Variants in XKR4 observed in about 807,000 individuals in gnomAD.
XKR4 encodes the protein XK related 4.
Under a neutral mutation model 53.9 loss-of-function variants are expected in XKR4, and 12 were observed. That is an observed-to-expected ratio of 0.22 (90% CI 0.14 to 0.36). The LOEUF is 0.36. XKR4 is among the 10% of genes least tolerant of loss of function. The pLI is 1.00. For synonymous variants in XKR4, 354 were observed against 362.4 expected, an observed-to-expected ratio of 0.98 and a Z score of 0.26; for missense variants, 799 against 859.5, an observed-to-expected ratio of 0.93 and a Z score of 0.88.
chr8:55,162,252 C>T lies in XKR4; in HGVS notation c.806+58958C>T, dbSNP rs149550219. Among the ~76,000 whole-genome samples, 319 of 152,310 alleles carry T rather than the reference C, an allele frequency of 2.1e-3. 1 individual carries two copies. Among genetic ancestry groups the T allele is most frequent in the African/African-American group, 7.2e-3 (298 of 41,562 alleles). On this transcript the variant is annotated intron_variant, in intron 1 of 2. Coordinates refer to ENST00000327381, the MANE Select transcript of XKR4 (RefSeq NM_052898.2). ...TGCCTCCGACAGGCTGTAAGGGCTT[C>T]AAGAATACAACCCACACCTTATTTG...
At chr8:55,269,932 G>A (rs1818662744) in intron 1 of XKR4, among the ~76,000 whole-genome samples, 2 of 152,208 alleles carry the variant, frequency 1.3e-5, no homozygotes, top group African/African-American at 4.8e-5. Context: ...TCAGGGAAGA[G>A]GTTAACTATG....
intron 1 of XKR4, among the ~76,000 whole-genome samples, chr8:55,194,144 C>A (rs1817476987): frequency 6.6e-6 from 1 of 152,212 alleles, no homozygotes; most frequent in African/African-American, 2.4e-5. Flanking sequence ...GGTTGGATTT[C>A]TCTGATGAGT....
At chr8:55,137,458 G>A (rs1816647007) in intron 1 of XKR4, among the ~76,000 whole-genome samples, 1 of 151,802 alleles carries the variant, frequency 6.6e-6, no homozygotes, top group African/African-American at 2.4e-5. Context: ...GGTCTTTTAG[G>A]GATTATTATA....
rs545992272 is a variant in XKR4, at chr8:55,475,161, A to G, written c.1007-48120A>G. Among the ~76,000 whole-genome samples the G allele has an allele frequency of 5.4e-4, 82 of 152,226 alleles. 1 individual carries two copies. Among genetic ancestry groups the G allele is most frequent in the African/African-American group, 1.9e-3 (79 of 41,496 alleles). ...AGGGAAATGACTGCTGATAAAATGG[A>G]GAGTAAAGTGGTGACCTCTGCCCCC... On this transcript the variant is annotated intron_variant, in intron 2 of 2. Coordinates refer to ENST00000327381, the MANE Select transcript of XKR4 (RefSeq NM_052898.2).
chr8:55,155,508 A>G (rs929638321), intron 1 of XKR4, among the ~76,000 whole-genome samples: 1 of 152,168 alleles, frequency 6.6e-6, no homozygotes, highest in African/African-American at 2.4e-5. Flanking sequence ...GGAACGTCAG[A>G]AAATAATAAA....
chr8:55,405,488 C>T (rs967732861), intron 2 of XKR4, among the ~76,000 whole-genome samples: 3 of 152,194 alleles, frequency 2.0e-5, no homozygotes, highest in Non-Finnish European at 2.9e-5. Context: ...TCAATCACCT[C>T]TTGGCTTCCA....
chr8:55,450,677 C>T, intron 2 of XKR4: 1 of 591,230 alleles, frequency 1.7e-6, no homozygotes, highest in Admixed American at 2.2e-5. Context: ...CTGCTCTGTC[C>T]AGCCAGAATG....
In XKR4 at chr8:55,539,011, T is replaced by C. The variant is rs1252422970; in HGVS notation, c.*14784T>C. The C allele has an allele frequency of 2.0e-5, 3 of 152,192 alleles. No individual in the cohort carries two copies. The allele number at this position is 152,192 out of a possible 1,614,324, so 9.4% of individuals were successfully genotyped here. A position where few individuals can be genotyped will look rare whatever the true frequency, so the allele number is the denominator to read the frequency against. On this transcript the variant is annotated 3_prime_UTR_variant, in exon 3 of 3. Transcript: ENST00000327381. ...TGATATACATATGCTTACATGTGCT[T>C]AGGTGGGAATTCTACTAAAGGATAA...
At chr8:55,342,978 G>C (rs922847300) in intron 1 of XKR4, among the ~76,000 whole-genome samples, 2 of 152,192 alleles carry the variant, frequency 1.3e-5, no homozygotes, top group African/African-American at 4.8e-5. Flanking sequence ...AGAGTAGAAT[G>C]AATCAATTGT....
chr8:55,208,814 C>T (rs1344796928), intron 1 of XKR4, among the ~76,000 whole-genome samples: 2 of 152,080 alleles, frequency 1.3e-5, no homozygotes, highest in Non-Finnish European at 2.9e-5. Flanking sequence ...CCGTGTGGAC[C>T]CCCGCAGTTT....
chr8:55,452,597 C>A, intron 2 of XKR4: 1 of 1,019,420 alleles, frequency 9.8e-7, no homozygotes, highest in South Asian at 1.3e-5. Context: ...CCTCCAGGGT[C>A]TTAATGTTTA....
chr8:55,276,781 A>G (rs1818770418), intron 1 of XKR4, among the ~76,000 whole-genome samples: 1 of 152,232 alleles, frequency 6.6e-6, no homozygotes, highest in African/African-American at 2.4e-5. Context: ...ATCGACTATT[A>G]TTCTATTTTG....
rs1807069341 is a variant in XKR4 at position 55,539,137 on chromosome 8, T to C, written c.*14910T>C. ...AAAATTTAATCCTGATAAGAACTAA[T>C]GTGAAATAACATCATTTTGGTTTAT... On this transcript the variant is annotated 3_prime_UTR_variant, in exon 3 of 3. Transcript: ENST00000327381. 1 of 152,228 alleles carries C rather than the reference T, an allele frequency of 6.6e-6. No homozygotes were observed. The highest frequency in any genetic ancestry group is 6.5e-5 in the Admixed American group (1 of 15,286). The allele number at this position is 152,228 out of a possible 1,614,324, so 9.4% of individuals were successfully genotyped here.
At chr8:55,499,142 G>C (rs1281637687) in intron 2 of XKR4, among the ~76,000 whole-genome samples, 1 of 152,188 alleles carries the variant, frequency 6.6e-6, no homozygotes, top group African/African-American at 2.4e-5. Flanking sequence ...CTGACTTCTA[G>C]ATAGTAATCT....
chr8:55,164,580 C>T (rs1817038382), intron 1 of XKR4: 1 of 380,714 alleles, frequency 2.6e-6, no homozygotes, highest in Non-Finnish European at 5.3e-6. Flanking sequence ...AATGAATGCC[C>T]ATGGGCCTAG....
intron 1 of XKR4, among the ~76,000 whole-genome samples, chr8:55,216,631 G>T (rs1023298259): frequency 4.6e-5 from 7 of 151,386 alleles, no homozygotes; most frequent in African/African-American, 1.7e-4. Context: ...GGAGGCTGAG[G>T]CAGAAGAATA....
chr8:55,413,375 A>T (rs1804802162), intron 2 of XKR4, among the ~76,000 whole-genome samples: 1 of 152,092 alleles, frequency 6.6e-6, no homozygotes, highest in African/African-American at 2.4e-5. Context: ...ACAGGTGCGC[A>T]CCACCATGCT....
chr8:55,115,609 C>T (rs1021119314), intron 1 of XKR4, among the ~76,000 whole-genome samples: 10 of 152,032 alleles, frequency 6.6e-5, no homozygotes, highest in Admixed American at 5.9e-4. Context: ...ATGGTGAAAC[C>T]TCATCTCTAC....
intron 1 of XKR4, among the ~76,000 whole-genome samples, chr8:55,220,890 A>T (rs1356504242): frequency 6.6e-6 from 1 of 152,210 alleles, no homozygotes; most frequent in Non-Finnish European, 1.5e-5. Context: ...ATTAAATCTA[A>T]AGTACTTAAT....
Sources: allele counts gnomAD v4.1 joint callset (sites outside exome capture counted in the v4.1 genomes callset), GRCh38; gene constraint gnomAD v4.1.1; transcripts MANE v1.5; gene names NCBI Gene and HGNC (gene_info 2026-07-23, HGNC 2026-07-21).